The following NUCB2 variants were observed in gnomAD, a reference collection of about 807,000 sequenced individuals.
The protein encoded by NUCB2 is nucleobindin-2.
A neutral mutation model predicts 57.9 loss-of-function variants in NUCB2; 48 were observed. That is an observed-to-expected ratio of 0.83 (90% CI 0.66 to 1.05). The LOEUF (loss-of-function observed/expected upper bound fraction) is 1.05. Among genes scored for constraint, NUCB2 ranks in the 50% least tolerant of loss-of-function variants. The probability of loss-of-function intolerance (pLI) is 0.00; values close to 1 mark genes in which losing one functional copy is unlikely to be tolerated. For synonymous variants in NUCB2, 139 were observed against 152.1 expected, an observed-to-expected ratio of 0.91 and a Z score of 0.64; for missense variants, 442 against 476.2, an observed-to-expected ratio of 0.93 and a Z score of 0.67.
At chr11:17,291,119 T>G (rs1161744166) in intron 2 of NUCB2, 1 of 152,208 alleles carries the variant, frequency 6.6e-6, no homozygotes, top group African/African-American at 2.4e-5. Flanking sequence ...TAATCTGCTT[T>G]CTTTCTCTGT....
In NUCB2 at chr11:17,330,196, G is replaced by T; in HGVS notation, c.1072G>T (p.Glu358Ter). ...KEYENIIALQENELKKKADEL... is the reference protein window; with the variant it reads ...KEYENIIALQ Reference sequence around the variant, plus strand: ...ATATGAAAATATTATTGCTTTACAAGAAAATGAACTTAAGAAGAAGGCAGA... The same window carrying T: ...ATATGAAAATATTATTGCTTTACAATAAAATGAACTTAAGAAGAAGGCAGA... Residue 358 changes from glutamate to a stop codon, truncating the protein, a stop_gained, in exon 12 of 14, where the codon GAA becomes TAA. Coordinates refer to ENST00000529010, the MANE Select transcript of NUCB2 (RefSeq NM_005013.4). LOFTEE classifies it high-confidence loss of function. This position sits in a 1 kb window ranked among gnomAD's most constrained non-coding sequence, Gnocchi z 4.3. 1 of 1,601,440 alleles carries T rather than the reference G, an allele frequency of 6.2e-7. No homozygotes were observed. The highest frequency in any genetic ancestry group is 8.5e-7 in the Non-Finnish European group (1 of 1,170,252).
chr11:17,296,324 C>T lies in NUCB2; in HGVS notation c.252+113C>T, dbSNP rs188036167. 1.5e-4 allele frequency: 73 copies of T among 491,200 alleles called. 1 individual carries two copies. The Middle Eastern group carries it at 1.7e-3, about 11-fold the overall frequency. The allele number at this position is 491,200 out of a possible 1,614,324, so 30.4% of individuals were successfully genotyped here. A position where few individuals can be genotyped will look rare whatever the true frequency, so the allele number is the denominator to read the frequency against. On this transcript the variant is annotated intron_variant, in intron 4 of 13. Coordinates refer to ENST00000529010, the MANE Select transcript of NUCB2 (RefSeq NM_005013.4). ...CCTTGAGCTCCTGGGCTCTAGTGAT[C>T]CTCCCACCTCAGTCTCTCCAGTAGT...
intron 5 of NUCB2, among the ~76,000 whole-genome samples, chr11:17,302,409 C>T (rs1946890418): frequency 6.6e-6 from 1 of 151,852 alleles, no homozygotes; most frequent in Non-Finnish European, 1.5e-5. Context: ...ATCAATTAAA[C>T]AACTGGTTTA....
intron 2 of NUCB2, among the ~76,000 whole-genome samples, chr11:17,288,985 T>A (rs1944476363): frequency 8.8e-5 from 11 of 124,510 alleles, no homozygotes; most frequent in South Asian, 2.6e-4. Flanking sequence ...TGAGATGGAG[T>A]TTTGCTCTGT....
chr11:17,315,926 A>G (rs982096239), intron 11 of NUCB2, among the ~76,000 whole-genome samples: 1 of 152,112 alleles, frequency 6.6e-6, no homozygotes, highest in Admixed American at 6.6e-5. Context: ...ATTCACACAT[A>G]TACATATATT....
intron 5 of NUCB2, among the ~76,000 whole-genome samples, chr11:17,303,165 A>G (rs1947051732): frequency 6.6e-6 from 1 of 152,172 alleles, no homozygotes; most frequent in Non-Finnish European, 1.5e-5. Context: ...AAGTTTCATA[A>G]AGGGATACTA....
chr11:17,288,528 C>CT (rs1221248085), intron 2 of NUCB2, among the ~76,000 whole-genome samples: 1 of 133,694 alleles, frequency 7.5e-6, no homozygotes, highest in East Asian at 2.4e-4. Flanking sequence ...TTTATTTTAT[C>CT]TTTTTCTTCT....
intron 11 of NUCB2, among the ~76,000 whole-genome samples, chr11:17,328,734 T>C (rs1951005698): frequency 6.6e-6 from 1 of 152,134 alleles, no homozygotes; most frequent in Non-Finnish European, 1.5e-5. Flanking sequence ...AGTCCAGAAA[T>C]GCTGTCCAAG....
chr11:17,349,623 A>C (rs1953050117), exon 3 of NUCB2: 1 of 152,214 alleles, frequency 6.6e-6, no homozygotes, highest in African/African-American at 2.4e-5. Flanking sequence ...GGCCACATTT[A>C]GTTCCAGAAT....
chr11:17,283,639 T>C (rs769249035), intron 2 of NUCB2: 11 of 152,246 alleles, frequency 7.2e-5, no homozygotes, highest in Admixed American at 1.3e-4. Context: ...ATTTGTGGAT[T>C]TGTTCTGGTT....
At chr11:17,321,042 TCA>T (rs2139213531) in intron 11 of NUCB2, among the ~76,000 whole-genome samples, 1 of 151,538 alleles carries the variant, frequency 6.6e-6, no homozygotes, top group African/African-American at 2.4e-5. Context: ...TGTGTAATAA[TCA>T]CATAATGGAA....
chr11:17,322,852 A>G (rs1258686769), intron 11 of NUCB2, among the ~76,000 whole-genome samples: 1 of 151,900 alleles, frequency 6.6e-6, no homozygotes, highest in African/African-American at 2.4e-5. Context: ...TATAAATGGG[A>G]TTACTTTTTA....
At chr11:17,335,131 A>T (rs1214293931), downstream of NUCB2, among the ~76,000 whole-genome samples, 1 of 152,138 alleles carries the variant, frequency 6.6e-6, no homozygotes, top group Non-Finnish European at 1.5e-5. Flanking sequence ...AAGAAATGGA[A>T]TAGAATCTCT....
chr11:17,309,514 T>G, intron 5 of NUCB2, 58 bp from the exon 6 acceptor site: 4 of 977,274 alleles, frequency 4.1e-6, no homozygotes, highest in Non-Finnish European at 6.2e-6. Context: ...TTGTGTATAA[T>G]TATTATGTTT....
At chr11:17,290,874 G>T (rs1417008640) in intron 2 of NUCB2, among the ~76,000 whole-genome samples, 1 of 151,828 alleles carries the variant, frequency 6.6e-6, no homozygotes, top group African/African-American at 2.4e-5. Flanking sequence ...TATAAACTTG[G>T]ATTTTTTTGC....
intron 11 of NUCB2, among the ~76,000 whole-genome samples, chr11:17,322,132 C>T (rs1950107394): frequency 6.6e-6 from 1 of 152,096 alleles, no homozygotes; most frequent in South Asian, 2.1e-4. Context: ...CTTTGGTTGT[C>T]TGTGCTTACG....
At chr11:17,342,170 T>C (rs972455140) in intron 2 of NUCB2, among the ~76,000 whole-genome samples, 1 of 152,218 alleles carries the variant, frequency 6.6e-6, no homozygotes, top group African/African-American at 2.4e-5. Flanking sequence ...ATATCCCCTT[T>C]ATCATTTTTT....
At chr11:17,331,342 G>A (rs1951384023) in intron 13 of NUCB2, 70 bp from the exon 14 acceptor site, 15 of 857,064 alleles carry the variant, frequency 1.8e-5, no homozygotes, top group Non-Finnish European at 2.4e-5. Context: ...AAGTATATTT[G>A]TATATGAAGG....
intron 2 of NUCB2, among the ~76,000 whole-genome samples, chr11:17,348,395 T>C (rs568017937): frequency 1.1e-3 from 140 of 131,436 alleles, no homozygotes; most frequent in African/African-American, 3.9e-3. Context: ...AGTGCAGTGG[T>C]GCAATCATGG....
Sources: gnomAD v4.1 joint callset for allele counts (sites outside exome capture counted in the v4.1 genomes callset) on GRCh38, gnomAD v4.1.1 for gene constraint, Gnocchi (gnomAD v3.1) non-coding constraint, MANE v1.5 for transcripts, NCBI Gene and HGNC (gene_info 2026-07-23, HGNC 2026-07-21) for gene names.